The following PRELID2 variants were observed in gnomAD, a reference collection of about 807,000 sequenced individuals.
PRELID2 encodes the protein PRELI domain containing 2.
PRELID2 carries 25 observed loss-of-function variants against 28.4 expected under a neutral mutation model. The ratio of observed to expected loss-of-function variants is 0.88; its 90% confidence interval spans 0.64 to 1.23. PRELID2 has a LOEUF of 1.23. PRELID2 is among the 50% of genes most tolerant of loss of function. The probability of loss-of-function intolerance (pLI) is 0.00; values close to 1 mark genes in which losing one functional copy is unlikely to be tolerated. For missense variants in PRELID2, 201 were observed against 214.4 expected, an observed-to-expected ratio of 0.94 and a Z score of 0.39; for synonymous variants, 76 against 71.6, an observed-to-expected ratio of 1.06 and a Z score of -0.31.
intron 1 of PRELID2, among the ~76,000 whole-genome samples, chr5:145,519,857 C>T (rs1391339643): frequency 6.6e-6 from 1 of 152,118 alleles, no homozygotes; most frequent in Non-Finnish European, 1.5e-5. Flanking sequence ...TTAGCCTCTG[C>T]CCTAAAGAAT....
At chr5:145,343,230 T>C in the PRELID2 span, among the ~76,000 whole-genome samples, 1 of 152,004 alleles carries the variant, frequency 6.6e-6, no homozygotes, top group African/African-American at 2.4e-5. Context: ...ATTCTTTTTA[T>C]TGGCACATCG....
intron 1 of PRELID2, among the ~76,000 whole-genome samples, chr5:145,651,885 T>C (rs28794180): frequency 0.17 from 26,612 of 152,174 alleles, 6,824 homozygotes; most frequent in African/African-American, 0.57. Flanking sequence ...TCGCCAGCAA[T>C]GGAACAAAGC....
At chr5:145,768,238 A>C (rs1274001090) in intron 5 of PRELID2, among the ~76,000 whole-genome samples, 22 of 151,806 alleles carry the variant, frequency 1.4e-4, no homozygotes, top group Admixed American at 3.9e-4. Context: ...AAAAAAAAAA[A>C]AAAAAAAGAA....
intron 1 of PRELID2, among the ~76,000 whole-genome samples, chr5:145,478,507 C>T (rs1284176721): frequency 2.6e-5 from 4 of 151,904 alleles, no homozygotes; most frequent in South Asian, 2.1e-4. Flanking sequence ...GCCAAGATCA[C>T]GCCATTACTC....
the PRELID2 span, among the ~76,000 whole-genome samples, chr5:145,414,933 T>C: frequency 6.6e-6 from 1 of 152,174 alleles, no homozygotes; most frequent in Non-Finnish European, 1.5e-5. Flanking sequence ...GCAATAACTC[T>C]AGGCTGCAGT....
intron 1 of PRELID2, among the ~76,000 whole-genome samples, chr5:145,588,717 C>T (rs1271738043): frequency 1.3e-5 from 2 of 151,992 alleles, no homozygotes; most frequent in African/African-American, 4.8e-5. Flanking sequence ...TGCCTTTGCC[C>T]AATCTGAGAC....
chr5:145,642,157 C>G (rs1482069521), intron 1 of PRELID2, among the ~76,000 whole-genome samples: 4 of 151,246 alleles, frequency 2.6e-5, no homozygotes, highest in Non-Finnish European at 5.9e-5. Context: ...CCTATTTCTC[C>G]ACATCCTCTC....
At chr5:145,299,664 T>TGTGTGTGC in the PRELID2 span, among the ~76,000 whole-genome samples, 1 of 151,608 alleles carries the variant, frequency 6.6e-6, no homozygotes, top group African/African-American at 2.4e-5. Flanking sequence ...TGTGTGTGTG[T>TGTGTGTGC]GTGTGTGTGT....
At chr5:145,709,582 T>TAA (rs1402726346) in intron 1 of PRELID2, among the ~76,000 whole-genome samples, 6 of 140,682 alleles carry the variant, frequency 4.3e-5, no homozygotes, top group East Asian at 4.1e-4. Context: ...GATCTGTATT[T>TAA]AAAAAAAAAA....
chr5:145,577,717 A>G (rs1356009666), intron 1 of PRELID2, among the ~76,000 whole-genome samples: 1 of 152,142 alleles, frequency 6.6e-6, no homozygotes, highest in Non-Finnish European at 1.5e-5. Context: ...AAGATTTATT[A>G]TCATCATTTG....
At chr5:145,412,707 G>A in the PRELID2 span, among the ~76,000 whole-genome samples, 2 of 152,008 alleles carry the variant, frequency 1.3e-5, no homozygotes, top group African/African-American at 2.4e-5. Context: ...CCCCACTCCT[G>A]GTACCAATTT....
intron 1 of PRELID2, among the ~76,000 whole-genome samples, chr5:145,519,700 A>G (rs1209727905): frequency 6.6e-6 from 1 of 151,758 alleles, no homozygotes; most frequent in Non-Finnish European, 1.5e-5. Context: ...AGGACCTATT[A>G]AAAAGCTCAA....
At chr5:145,230,551 C>A in the PRELID2 span, among the ~76,000 whole-genome samples, 1 of 151,608 alleles carries the variant, frequency 6.6e-6, no homozygotes, top group Non-Finnish European at 1.5e-5. Flanking sequence ...GGCACTCCAG[C>A]CTGGGCAACA....
At chr5:145,404,864 G>A in the PRELID2 span, among the ~76,000 whole-genome samples, 1 of 152,104 alleles carries the variant, frequency 6.6e-6, no homozygotes, top group Non-Finnish European at 1.5e-5. Flanking sequence ...TGCATGGTGA[G>A]ATTAGACACT....
At chr5:145,670,522 T>C (rs1754685086) in intron 1 of PRELID2, among the ~76,000 whole-genome samples, 1 of 152,126 alleles carries the variant, frequency 6.6e-6, no homozygotes, top group African/African-American at 2.4e-5. Flanking sequence ...GTATCCCTGG[T>C]TTTTAGCACA....
At chr5:145,508,253 T>TAAAC (rs1251480737) in intron 1 of PRELID2, among the ~76,000 whole-genome samples, 206 of 123,492 alleles carry the variant, frequency 1.7e-3, no homozygotes, top group Admixed American at 7.2e-3. Flanking sequence ...TACTTTTGCA[T>TAAAC]AGACAGATAG....
chr5:145,300,348 A>G, the PRELID2 span, among the ~76,000 whole-genome samples: 9,362 of 152,138 alleles, frequency 0.062, 437 homozygotes, highest in African/African-American at 0.14. Context: ...TAAGGCCACA[A>G]TCTGAATTCT....
intron 1 of PRELID2, among the ~76,000 whole-genome samples, chr5:145,545,824 T>G (rs1752781738): frequency 6.6e-6 from 1 of 152,182 alleles, no homozygotes; most frequent in Admixed American, 6.6e-5. Context: ...AACATAAGCT[T>G]CAATATCATG....
the PRELID2 span, among the ~76,000 whole-genome samples, chr5:145,313,222 C>T: frequency 2.0e-5 from 3 of 152,056 alleles, no homozygotes; most frequent in South Asian, 6.2e-4. Flanking sequence ...CCTTCAAAGG[C>T]ATTTATGCTG....
Sources: gnomAD v4.1 joint callset for allele counts (sites outside exome capture counted in the v4.1 genomes callset) on GRCh38, gnomAD v4.1.1 for gene constraint, MANE v1.5 for transcripts, NCBI Gene and HGNC (gene_info 2026-07-23, HGNC 2026-07-21) for gene names.